Variants in GPM6A observed in about 807,000 individuals in gnomAD.
GPM6A encodes glycoprotein M6A, also known as neuronal membrane glycoprotein M6-a.
In GPM6A, 7 loss-of-function variants were observed where a neutral mutation model predicts 32.1. The ratio of observed to expected loss-of-function variants is 0.22; its 90% CI spans 0.12 to 0.41. GPM6A has a LOEUF of 0.41. Ranked by LOEUF, GPM6A falls within the 10% of genes least tolerant of loss-of-function variation. The probability of loss-of-function intolerance (pLI) is 1.00; values close to 1 mark genes in which losing one functional copy is unlikely to be tolerated. For synonymous variants in GPM6A, 130 were observed against 123.4 expected, an observed-to-expected ratio of 1.05 and a Z score of -0.35; for missense variants, 235 against 347.2, an observed-to-expected ratio of 0.68 and a Z score of 2.57.
chr4:175,775,571 G>GC (rs1474706770), intron 1 of GPM6A, among the ~76,000 whole-genome samples: 1 of 151,836 alleles, frequency 6.6e-6, no homozygotes, highest in Non-Finnish European at 1.5e-5. Context: ...TCAAAATCAA[G>GC]TAAAAAAAAA....
intron 1 of GPM6A, among the ~76,000 whole-genome samples, chr4:175,900,893 T>C (rs557914885): frequency 2.0e-5 from 3 of 152,234 alleles, no homozygotes; most frequent in Non-Finnish European, 4.4e-5. Flanking sequence ...AACAGATGAA[T>C]GGATAAAGAA....
intron 1 of GPM6A, among the ~76,000 whole-genome samples, chr4:175,985,974 T>G (rs1429033467): frequency 6.6e-6 from 1 of 151,926 alleles, no homozygotes; most frequent in African/African-American, 2.4e-5. Context: ...CCCAGCTAAT[T>G]TTTGTATTCT....
At chr4:175,970,973 G>C in intron 1 of GPM6A, 1 of 441,358 alleles carries the variant, frequency 2.3e-6, no homozygotes, top group South Asian at 1.6e-5. Context: ...TGCTTGAGCA[G>C]CGCAGAGCGC....
intron 1 of GPM6A, among the ~76,000 whole-genome samples, chr4:175,761,852 T>C (rs930655987): frequency 4.6e-5 from 7 of 151,554 alleles, no homozygotes; most frequent in Non-Finnish European, 8.8e-5. Flanking sequence ...TGGAATGCAA[T>C]GGCATGATCA....
intron 1 of GPM6A, among the ~76,000 whole-genome samples, chr4:175,878,061 C>T (rs1020077514): frequency 2.6e-5 from 4 of 152,240 alleles, no homozygotes; most frequent in Non-Finnish European, 5.9e-5. Flanking sequence ...TCTCCTTTGA[C>T]TCCATGTCTC....
intron 1 of GPM6A, among the ~76,000 whole-genome samples, chr4:175,872,118 G>A (rs1432763461): frequency 6.6e-6 from 1 of 152,076 alleles, no homozygotes; most frequent in African/African-American, 2.4e-5. Flanking sequence ...AATTAGCCAA[G>A]CCAGCATTTG....
intron 1 of GPM6A, among the ~76,000 whole-genome samples, chr4:175,721,389 T>A (rs2111116443): frequency 6.6e-6 from 1 of 151,296 alleles, no homozygotes; most frequent in Admixed American, 6.6e-5. Flanking sequence ...GGCAGGAGAA[T>A]CGCTTGAACC....
intron 6 of GPM6A, among the ~76,000 whole-genome samples, chr4:175,638,077 C>T (rs980890978): frequency 1.3e-5 from 2 of 149,288 alleles, no homozygotes; most frequent in African/African-American, 2.5e-5. Context: ...AATGCTAAGT[C>T]GATTTACTTT....
chr4:175,705,407 A>G (rs1579406281), intron 1 of GPM6A, among the ~76,000 whole-genome samples: 1 of 152,362 alleles, frequency 6.6e-6, no homozygotes, highest in East Asian at 1.9e-4. Flanking sequence ...AAGAAACCTT[A>G]AGTATTTCAT....
At chr4:175,849,619 T>C (rs1037839791) in intron 1 of GPM6A, among the ~76,000 whole-genome samples, 3 of 152,212 alleles carry the variant, frequency 2.0e-5, no homozygotes, top group South Asian at 2.1e-4. Flanking sequence ...AGTTGTACTA[T>C]ACTAATAATC....
intron 1 of GPM6A, among the ~76,000 whole-genome samples, chr4:175,910,245 A>T (rs1738271299): frequency 6.6e-6 from 1 of 152,176 alleles, no homozygotes; most frequent in African/African-American, 2.4e-5. Flanking sequence ...TTTCTACCAT[A>T]TGTCTTCTCT....
At chr4:175,785,323 G>A (rs192426554) in intron 1 of GPM6A, among the ~76,000 whole-genome samples, 13 of 152,254 alleles carry the variant, frequency 8.5e-5, no homozygotes, top group Admixed American at 4.6e-4. Flanking sequence ...ATCAAGCTCT[G>A]AGGAGACTGC....
At chr4:175,976,232 G>A (rs1740655556) in intron 1 of GPM6A, among the ~76,000 whole-genome samples, 2 of 149,118 alleles carry the variant, frequency 1.3e-5, no homozygotes, top group Admixed American at 6.7e-5. Context: ...AGCTGCACTC[G>A]GCTCACTGCA....
chr4:175,944,991 A>T (rs1462869774), intron 1 of GPM6A, among the ~76,000 whole-genome samples: 1 of 152,082 alleles, frequency 6.6e-6, no homozygotes, highest in African/African-American at 2.4e-5. Flanking sequence ...TGGTATGAGA[A>T]ATAATTAGAG....
intron 1 of GPM6A, among the ~76,000 whole-genome samples, chr4:175,896,055 A>G (rs184106331): frequency 7.9e-5 from 12 of 152,336 alleles, no homozygotes; most frequent in African/African-American, 2.4e-4. Flanking sequence ...TTGTAAATAA[A>G]AAAGCGTGAA....
chr4:175,824,396 T>C (rs1464477092), intron 1 of GPM6A, among the ~76,000 whole-genome samples: 1 of 152,178 alleles, frequency 6.6e-6, no homozygotes, highest in African/African-American at 2.4e-5. Flanking sequence ...CCCGCTGCCA[T>C]TGTCCTGGAC....
chr4:175,892,566 C>G (rs1737680467), intron 1 of GPM6A, among the ~76,000 whole-genome samples: 1 of 152,148 alleles, frequency 6.6e-6, no homozygotes, highest in African/African-American at 2.4e-5. Context: ...TTTTCATCCA[C>G]TTTGTAAGAG....
At chr4:175,792,998 G>A (rs1734071887) in intron 1 of GPM6A, among the ~76,000 whole-genome samples, 1 of 152,156 alleles carries the variant, frequency 6.6e-6, no homozygotes, top group African/African-American at 2.4e-5. Flanking sequence ...GGCCAACATG[G>A]TGAAACCCCA....
At chr4:175,671,227 T>A (rs1045210687) in intron 3 of GPM6A, among the ~76,000 whole-genome samples, 6 of 151,836 alleles carry the variant, frequency 4.0e-5, no homozygotes, top group Admixed American at 2.0e-4. Context: ...TTACTTTTTA[T>A]GCAGCAGAGA....
Sources: gnomAD v4.1 joint callset for allele counts (sites outside exome capture counted in the v4.1 genomes callset) on GRCh38, gnomAD v4.1.1 for gene constraint, MANE v1.5 for transcripts, NCBI Gene and HGNC (gene_info 2026-07-23, HGNC 2026-07-21) for gene names.